MIGA1: variants seen among roughly 807,000 people sequenced by gnomAD.
MIGA1 encodes mitoguardin 1, also known as family with sequence similarity 73, member A.
MIGA1 carries 58 observed loss-of-function variants against 82.0 expected under a neutral mutation model. The observed-to-expected ratio is 0.71, with a 90% confidence interval of 0.57 to 0.88. The LOEUF (loss-of-function observed/expected upper bound fraction) is 0.88, where lower values mean the gene tolerates loss of function less well. Among genes scored for constraint, MIGA1 ranks in the 40% least tolerant of loss-of-function variants. MIGA1 has a pLI of 0.00. For missense variants in MIGA1, 751 were observed against 749.1 expected (o/e 1.00, Z -0.03); for synonymous variants, 249 against 253.6 (o/e 0.98, Z 0.17).
chr1:77,814,529 T>TG (rs1292724273), intron 6 of MIGA1, among the ~76,000 whole-genome samples: 1 of 152,222 alleles, frequency 6.6e-6, no homozygotes, highest in African/African-American at 2.4e-5. Context: ...CCCAAGCAGC[T>TG]GGGACTGCAG....
intron 3 of MIGA1, among the ~76,000 whole-genome samples, chr1:77,802,207 TAATG>T (rs2101751405): frequency 6.6e-6 from 1 of 152,324 alleles, no homozygotes; most frequent in Admixed American, 6.5e-5. Flanking sequence ...AGCATACAAT[TAATG>T]AGTGACTATT....
intron 12 of MIGA1, chr1:77,862,272 C>T (rs1257863301): frequency 6.9e-6 from 1 of 143,934 alleles, no homozygotes; most frequent in African/African-American, 2.6e-5. Context: ...CATGGCAAAA[C>T]CTCATCTCTA....
intron 2 of MIGA1, 48 bp from the exon 3 acceptor site, chr1:77,801,283 T>G (rs1224753530): frequency 7.8e-6 from 11 of 1,408,606 alleles, no homozygotes. Context: ...TTCTTTTAAG[T>G]GAACAAATTA....
intron 7 of MIGA1, among the ~76,000 whole-genome samples, chr1:77,822,140 A>G (rs1183367187): frequency 1.3e-5 from 2 of 151,842 alleles, no homozygotes; most frequent in African/African-American, 4.8e-5. Flanking sequence ...ATAAAAAAAA[A>G]TCGTACACCT....
At chr1:77,848,734 G>T in intron 8 of MIGA1, 1 of 1,495,344 alleles carries the variant, frequency 6.7e-7, no homozygotes, top group Non-Finnish European at 9.3e-7. Flanking sequence ...GTCAGCTAGA[G>T]ACAGGTACTT....
Position 77,801,490 on chromosome 1 carries a change from AG to A in MIGA1, c.356del (p.Arg119LysfsTer17). 1 of 1,600,152 alleles carries A rather than the reference AG, an allele frequency of 6.2e-7. No individual in the cohort carries two copies. The highest frequency in any genetic ancestry group is 2.3e-5 in the East Asian group (1 of 44,326). ...GCACCTCATACTTGAATACACTAAA[AG>A]AGCAGCATCAGACAAAGGTATGTGG... On this transcript the variant is annotated frameshift_variant, in exon 3 of 16. Coordinates refer to ENST00000370791, the MANE Select transcript of MIGA1 (RefSeq NM_198549.4). LOFTEE classifies it high-confidence loss of function.
chr1:77,853,611 T>G (rs1229616406), intron 8 of MIGA1: 2 of 164,592 alleles, frequency 1.2e-5, no homozygotes, highest in African/African-American at 4.8e-5. Flanking sequence ...CCTGGGAAGT[T>G]GAGGCTGCAG....
In MIGA1 at chr1:77,848,571, CA is replaced by C. The variant is rs1684929190; in HGVS notation, c.996+5167del. 6.7e-6 allele frequency: 9 copies of C among 1,350,106 alleles called. No individual in the cohort carries two copies. In the East Asian group the frequency reaches 2.1e-4, roughly 31 times the overall value. 83.6% of individuals were successfully genotyped at this position (1,350,106 alleles called of 1,614,324 possible). A position where few individuals can be genotyped will look rare whatever the true frequency, so the allele number is the denominator to read the frequency against. The stretch of plus-strand genomic sequence containing the variant: ...ACAAAATGAGAAACATGACAAAAGA[CA>C]AAGAAGGAAACCAGGAGAAACCCTC... On this transcript the variant is annotated intron_variant, in intron 8 of 15. Transcript: ENST00000370791.
intron 8 of MIGA1, among the ~76,000 whole-genome samples, chr1:77,843,937 A>G (rs1376463146): frequency 6.6e-6 from 1 of 151,448 alleles, no homozygotes; most frequent in Non-Finnish European, 1.5e-5. Flanking sequence ...TGTCCCTACA[A>G]AAAATTTAAA....
intron 2 of MIGA1, 93 bp downstream of exon 2, chr1:77,783,444 A>T: frequency 1.6e-6 from 1 of 617,860 alleles, no homozygotes; most frequent in South Asian, 4.3e-5. Context: ...TGAGGTTTCT[A>T]TATAGTACAG....
At chr1:77,821,417 T>C (rs921816577) in intron 7 of MIGA1, among the ~76,000 whole-genome samples, 15 of 150,832 alleles carry the variant, frequency 9.9e-5, no homozygotes, top group East Asian at 3.9e-4. Context: ...TGAGATGGAA[T>C]TTCGCTCTTG....
At chr1:77,831,049 C>A (rs953136872) in intron 7 of MIGA1, among the ~76,000 whole-genome samples, 4 of 152,170 alleles carry the variant, frequency 2.6e-5, no homozygotes, top group African/African-American at 4.8e-5. Flanking sequence ...TCCACAAAGT[C>A]GAAGATCCTT....
At chr1:77,796,622 G>A (rs902760554) in intron 2 of MIGA1, among the ~76,000 whole-genome samples, 1 of 152,118 alleles carries the variant, frequency 6.6e-6, no homozygotes, top group African/African-American at 2.4e-5. Flanking sequence ...TTACCAACAG[G>A]TTACAGTATT....
intron 4 of MIGA1, 125 bp from the exon 5 acceptor site, chr1:77,806,850 A>T (rs1683119588): frequency 1.5e-6 from 1 of 658,448 alleles, no homozygotes; most frequent in Non-Finnish European, 2.5e-6. Flanking sequence ...TTATTTCTTC[A>T]TGTGGAAATT....
At chr1:77,852,934 G>A (rs146209368) in intron 8 of MIGA1, among the ~76,000 whole-genome samples, 10,155 of 152,058 alleles carry the variant, frequency 0.067, 896 homozygotes, top group African/African-American at 0.2. Context: ...CAAGTGATCC[G>A]CCTGCCTCGG....
chr1:77,873,033 TG>T lies in MIGA1; in HGVS notation c.1594del (p.Ala532ProfsTer10). On this transcript the variant is annotated frameshift_variant, in exon 15 of 16. Coordinates refer to ENST00000370791, the MANE Select transcript of MIGA1 (RefSeq NM_198549.4). LOFTEE classifies it high-confidence loss of function. ...CAGATGGATTTTTTGCCCATTTTTATGCCATTTGTGAACACATCAGTCCTGT... is the reference window on the plus strand; with the variant it reads ...CAGATGGATTTTTTGCCCATTTTTATCCATTTGTGAACACATCAGTCCTGT... 6.2e-7 allele frequency: 1 copy of T among 1,614,126 alleles called. No homozygotes were observed. Among genetic ancestry groups the T allele is most frequent in the Non-Finnish European group, 8.5e-7 (1 of 1,180,018 alleles).
At chr1:77,871,501 CA>C (rs1646833593) in intron 14 of MIGA1, among the ~76,000 whole-genome samples, 1 of 148,302 alleles carries the variant, frequency 6.7e-6, no homozygotes, top group African/African-American at 2.5e-5. Context: ...GACTCCGTCT[CA>C]GAAAAAAAAA....
intron 13 of MIGA1, 59 bp from the exon 14 acceptor site, chr1:77,866,279 A>G: frequency 6.6e-7 from 1 of 1,509,036 alleles, no homozygotes; most frequent in Admixed American, 1.7e-5. Context: ...AATTTCTAAT[A>G]AAAATGGAAA....
chr1:77,864,411 C>T (rs1311916131), intron 13 of MIGA1, among the ~76,000 whole-genome samples: 4 of 151,564 alleles, frequency 2.6e-5, no homozygotes, highest in Admixed American at 2.6e-4. Context: ...CGCGGTTGCT[C>T]ACACCTGTAA....
Sources: gnomAD v4.1 joint callset for allele counts (sites outside exome capture counted in the v4.1 genomes callset) on GRCh38, gnomAD v4.1.1 for gene constraint, MANE v1.5 for transcripts, NCBI Gene and HGNC (gene_info 2026-07-23, HGNC 2026-07-21) for gene names.